ISOC2: variants seen among roughly 807,000 people sequenced by gnomAD.
ISOC2 encodes the protein isochorismatase domain-containing protein 2.
ISOC2 carries 15 observed loss-of-function variants against 19.3 expected under a neutral mutation model. The ratio of observed to expected loss-of-function variants is 0.78; its 90% CI spans 0.52 to 1.20. The LOEUF is 1.20. ISOC2 is among the 50% of genes most tolerant of loss of function. The pLI is 0.00. For synonymous variants in ISOC2, 106 were observed against 115.8 expected (o/e 0.92, Z 0.54); for missense variants, 285 against 272.4 (o/e 1.05, Z -0.33).
rs1713458168 is a variant in ISOC2, at chr19:55,459,542, CCT to C, written c.-4+1968_-4+1969del. ...TCACAAAACACAAAGCTATTACTCCCCTGTCTCAAACTGTCCCCTGACCCCCG... is the reference window on the plus strand; with the variant it reads ...TCACAAAACACAAAGCTATTACTCCCGTCTCAAACTGTCCCCTGACCCCCG... On this transcript the variant is annotated intron_variant, in intron 1 of 5. Transcript: ENST00000425675. Among the ~76,000 whole-genome samples the C allele has an allele frequency of 2.0e-5, 3 of 152,198 alleles. No homozygotes were observed. The South Asian group carries it at 6.2e-4, about 32-fold the overall frequency.
chr19:55,456,028 G>C, intron 2 of ISOC2, 183 bp from the exon 3 acceptor site: 1 of 605,584 alleles, frequency 1.7e-6, no homozygotes, highest in Non-Finnish European at 2.9e-6. Flanking sequence ...GTCTGAGGGA[G>C]GAGGAGCTGG....
chr19:55,461,317 C>G (rs916691958), intron 1 of ISOC2, among the ~76,000 whole-genome samples, 195 bp downstream of exon 1: 1 of 152,114 alleles, frequency 6.6e-6, no homozygotes, highest in Non-Finnish European at 1.5e-5. Flanking sequence ...CACCCCCCAG[C>G]GCTGTTACAG....
intron 1 of ISOC2, among the ~76,000 whole-genome samples, chr19:55,457,526 CTCTG>C (rs1248333736): frequency 1.3e-5 from 2 of 150,266 alleles, no homozygotes; most frequent in African/African-American, 4.9e-5. Flanking sequence ...CTGAGCAAGA[CTCTG>C]TCTCAAAAAA....
chr19:55,458,171 C>G (rs1169139843), intron 1 of ISOC2, among the ~76,000 whole-genome samples: 1 of 152,188 alleles, frequency 6.6e-6, no homozygotes, highest in Non-Finnish European at 1.5e-5. Context: ...CCAGAGGGCC[C>G]GTTAACCTGC....
At position 55,456,828 on chromosome 19, in the gene ISOC2, G is replaced by A. The variant is rs908872014; in HGVS notation, c.-3-339C>T. Among the ~76,000 whole-genome samples, 16 of 152,026 alleles carry A rather than the reference G, an allele frequency of 1.1e-4. 1 individual carries two copies. In the South Asian group the frequency reaches 2.1e-3, roughly 20 times the overall value. ...CATGATCCCGGTTACCATCCGCCCCGGTTACCATCCACCCCAGTTACTATC... is the reference window on the plus strand; with the variant it reads ...CATGATCCCGGTTACCATCCGCCCCAGTTACCATCCACCCCAGTTACTATC... On this transcript the variant is annotated intron_variant, in intron 1 of 5. Transcript: ENST00000425675.
chr19:55,454,579 C>T (rs1026845366), intron 5 of ISOC2: 12 of 169,374 alleles, frequency 7.1e-5, no homozygotes, highest in Admixed American at 5.3e-4. Context: ...GGGGCAGAGG[C>T]GGAGGAGATG....
rs3214450 is a variant in ISOC2 at position 55,453,179 on chromosome 19, G to GCCCCCCCC, written c.*121_*128dup. 21 of 539,580 alleles carry GCCCCCCCC rather than the reference G, an allele frequency of 3.9e-5. No homozygotes were observed. Among genetic ancestry groups the GCCCCCCCC allele is most frequent in the South Asian group, 2.0e-4 (7 of 34,254 alleles). 33.4% of individuals were successfully genotyped at this position (539,580 alleles called of 1,614,324 possible). A position where few individuals can be genotyped will look rare whatever the true frequency, so the allele number is the denominator to read the frequency against. ...CTGTCCAATGGGAAGGCAGCACCCT[G>GCCCCCCCC]CCCCCCCCACAAGGGGGCGGCACTC... On this transcript the variant is annotated 3_prime_UTR_variant, in exon 6 of 6. Transcript: ENST00000425675.
chr19:55,458,374 T>A (rs1380188876), intron 1 of ISOC2, among the ~76,000 whole-genome samples: 2 of 152,196 alleles, frequency 1.3e-5, no homozygotes, highest in African/African-American at 4.8e-5. Context: ...TGCAGCTCTC[T>A]CCCCGTCTGT....
At chr19:55,455,605 G>A (rs765753041) in intron 3 of ISOC2, 31 bp downstream of exon 3, 8 of 1,520,618 alleles carry the variant, frequency 5.3e-6, no homozygotes, top group Middle Eastern at 1.8e-4. Context: ...AGGTTAGAAC[G>A]AGGGACCCCT....
At chr19:55,461,070 G>C (rs1230882504) in intron 1 of ISOC2, among the ~76,000 whole-genome samples, 1 of 152,066 alleles carries the variant, frequency 6.6e-6, no homozygotes, top group Non-Finnish European at 1.5e-5. Context: ...GCTGGAGAGG[G>C]TTGGGCGTGT....
Position 55,455,261 on chromosome 19 carries a change from T to C in ISOC2, c.418A>G (p.Ser140Gly). 1 of 1,610,230 alleles carries C rather than the reference T, an allele frequency of 6.2e-7. No homozygotes were observed. Among genetic ancestry groups the C allele is most frequent in the East Asian group, 2.2e-5 (1 of 44,756 alleles). ...CCACCCAGGCAGGGGCCCTCTCACC[T>C]GCGTGAGGAGCAGGCGTCCACCACC... ...HVVVDACSSR[S>G]QVDRLVALAR... Residue 140 changes from serine to glycine, a missense_variant and splice_region_variant, in exon 4 of 6, where the codon AGC becomes GGC. By Grantham distance (56) the Ser-to-Gly change is moderately conservative. Coordinates refer to ENST00000425675, the MANE Select transcript of ISOC2 (RefSeq NM_001136201.2).
At chr19:55,456,585 C>G in intron 1 of ISOC2, 96 bp from the exon 2 acceptor site, 1 of 1,483,952 alleles carries the variant, frequency 6.7e-7, no homozygotes, top group Non-Finnish European at 9.0e-7. Flanking sequence ...CCTGGCAGGG[C>G]CCGGGGCACC....
chr19:55,459,829 A>G (rs1016380072), intron 1 of ISOC2: 2 of 152,322 alleles, frequency 1.3e-5, no homozygotes, highest in Admixed American at 6.5e-5. Flanking sequence ...CAGGTGGGTC[A>G]CAAGGGCCCT....
chr19:55,460,878 C>G lies in ISOC2; in HGVS notation c.-4+634G>C, dbSNP rs141261916. Among the ~76,000 whole-genome samples, 932 of 152,094 alleles carry G rather than the reference C, an allele frequency of 6.1e-3. 11 individuals are homozygous for G. The highest frequency in any genetic ancestry group is 0.021 in the African/African-American group (875 of 41,464). Reference sequence around the variant, plus strand: ...GGGGCCCAGTGGGACAGGGGAGAGTCAGGAAGGGGCAGCTGGGACGGTGGG... The same window carrying G: ...GGGGCCCAGTGGGACAGGGGAGAGTGAGGAAGGGGCAGCTGGGACGGTGGG... On this transcript the variant is annotated intron_variant, in intron 1 of 5. Coordinates refer to ENST00000425675, the MANE Select transcript of ISOC2 (RefSeq NM_001136201.2).
In ISOC2 at chr19:55,461,626, C is replaced by G. The variant is rs1986243561; in HGVS notation, c.-118G>C. On this transcript the variant is annotated 5_prime_UTR_variant, in exon 1 of 6. Coordinates refer to ENST00000425675, the MANE Select transcript of ISOC2 (RefSeq NM_001136201.2). The stretch of plus-strand genomic sequence containing the variant: ...GAGGCCTCTTGCGGGCTTCCCAGGG[C>G]TGGTTACCGTTTCGTTAGGGCTGGA... 6.6e-6 allele frequency: 1 copy of G among 152,352 alleles called. No individual in the cohort carries two copies. Among genetic ancestry groups the G allele is most frequent in the Admixed American group, 6.5e-5 (1 of 15,294 alleles). The allele number at this position is 152,352 out of a possible 1,614,324, so 9.4% of individuals were successfully genotyped here.
At chr19:55,460,534 C>G (rs920651815) in intron 1 of ISOC2, among the ~76,000 whole-genome samples, 5 of 152,270 alleles carry the variant, frequency 3.3e-5, no homozygotes, top group African/African-American at 9.6e-5. Flanking sequence ...TGGCATAAAG[C>G]CAAAACCCGG....
In ISOC2 at chr19:55,455,823, G is replaced by A; in HGVS notation, c.161C>T (p.Pro54Leu). The change falls in exon 3 of 6, where the codon CCA becomes CTA. Residue 54 changes from proline to leucine, a missense_variant. Transcript: ENST00000425675. ...TGGGTACTGCTCCGTCAGCATGACT[G>A]GCACCTCAAGCAGCCGGGCCACCTG... Reference protein sequence around the residue: ...MLKVARLLEVPVMLTEQYPQG... With the variant: ...MLKVARLLEVLVMLTEQYPQG... The A allele has an allele frequency of 6.5e-7, 1 of 1,547,232 alleles. No individual in the cohort carries two copies. The highest frequency in any genetic ancestry group is 8.7e-7 in the Non-Finnish European group (1 of 1,143,764).
rs768306778 is a variant in ISOC2 at position 55,453,382 on chromosome 19, T to C, written c.544A>G (p.Lys182Glu). 3 of 1,602,278 alleles carry C rather than the reference T, an allele frequency of 1.9e-6. No homozygotes were observed. In the South Asian group the frequency reaches 3.4e-5, roughly 18 times the overall value. ...TCTGGGGCGGGCTCCTTGATGAGTT[T>C]CTGGATCTGTAAGGGCAGGGGGCGA... ...AVHPQFKEIQ[K>E]LIKEPAPDSG... Residue 182 changes from lysine to glutamate, a missense_variant, in exon 6 of 6, where the codon AAA (lysine) becomes GAA (glutamate). Transcript: ENST00000425675.
chr19:55,455,780 C>T lies in ISOC2; in HGVS notation c.204G>A (p.Thr68=), dbSNP rs764773593. ...TEQYPQGLGP[T]VPELGTEGLR... is the part of the protein sequence containing the mutation. ...GGCCCTCAGTCCCCAGCTCGGGCAC[C>T]GTGGGGCCCAGGCCTTGTGGGTACT... The change falls in exon 3 of 6, where the codon ACG becomes ACA. Residue 68 remains threonine, a synonymous_variant. Transcript: ENST00000425675. 74 of 1,571,830 alleles carry T rather than the reference C, an allele frequency of 4.7e-5. No homozygotes were observed. The highest frequency in any genetic ancestry group is 1.2e-4 in the South Asian group (10 of 85,958).
Sources: gnomAD v4.1 joint callset for allele counts (sites outside exome capture counted in the v4.1 genomes callset) on GRCh38, gnomAD v4.1.1 for gene constraint, MANE v1.5 for transcripts, NCBI Gene and HGNC (gene_info 2026-07-23, HGNC 2026-07-21) for gene names.